The following RORA variants were observed in gnomAD, a reference collection of about 807,000 sequenced individuals.
RORA encodes nuclear receptor ROR-alpha.
A neutral mutation model predicts 69.5 loss-of-function variants in RORA; 7 were observed. That is an observed-to-expected ratio of 0.10 (90% CI 0.06 to 0.19). The LOEUF (loss-of-function observed/expected upper bound fraction) is 0.19. Among genes scored for constraint, RORA ranks in the 10% least tolerant of loss-of-function variants. The probability of loss-of-function intolerance (pLI) is 1.00; values close to 1 mark genes in which losing one functional copy is unlikely to be tolerated. For missense variants in RORA, 457 were observed against 663.0 expected (o/e 0.69, Z 3.41); for synonymous variants, 261 against 240.8 (o/e 1.08, Z -0.78).
chr15:61,048,136 C>T (rs976401097), intron 1 of RORA, among the ~76,000 whole-genome samples: 12 of 152,212 alleles, frequency 7.9e-5, no homozygotes, highest in African/African-American at 2.7e-4. Flanking sequence ...CACTATCCTT[C>T]ATACTTCTTC....
chr15:60,733,763 A>C (rs1233630128), intron 1 of RORA, among the ~76,000 whole-genome samples: 2 of 152,158 alleles, frequency 1.3e-5, no homozygotes, highest in East Asian at 3.9e-4. Flanking sequence ...GAGCAGAGAG[A>C]AAAGAGTTAT....
chr15:60,555,525 A>T (rs1327145878), intron 2 of RORA, among the ~76,000 whole-genome samples: 1 of 152,206 alleles, frequency 6.6e-6, no homozygotes, highest in Non-Finnish European at 1.5e-5. Context: ...ACCCTGTTTC[A>T]TAATTGCCAA....
intron 1 of RORA, among the ~76,000 whole-genome samples, chr15:61,193,436 A>C (rs2140917877): frequency 6.6e-6 from 1 of 152,274 alleles, no homozygotes; most frequent in South Asian, 2.1e-4. Flanking sequence ...AGAAAAAGTT[A>C]GACTTTTTCC....
intron 1 of RORA, among the ~76,000 whole-genome samples, chr15:60,855,951 A>G (rs2073375361): frequency 6.6e-6 from 1 of 152,224 alleles, no homozygotes; most frequent in African/African-American, 2.4e-5. Flanking sequence ...TTTATGCATT[A>G]AATTGAACTA....
chr15:60,922,029 T>C (rs1191163819), intron 1 of RORA, among the ~76,000 whole-genome samples: 3 of 152,226 alleles, frequency 2.0e-5, no homozygotes, highest in Admixed American at 6.5e-5. Context: ...TTTATCTGCA[T>C]CTGTCTCCCC....
At chr15:61,060,893 G>A (rs2078174462) in intron 1 of RORA, among the ~76,000 whole-genome samples, 2 of 152,168 alleles carry the variant, frequency 1.3e-5, no homozygotes, top group Admixed American at 6.5e-5. Context: ...TTACGAATTT[G>A]CACTGGGCCA....
At chr15:60,984,641 G>T (rs1007031374) in intron 1 of RORA, among the ~76,000 whole-genome samples, 1 of 152,078 alleles carries the variant, frequency 6.6e-6, no homozygotes, top group Non-Finnish European at 1.5e-5. Flanking sequence ...GAGCTGATTT[G>T]CAAGCTTGTT....
At chr15:60,932,170 T>A (rs772382733) in intron 1 of RORA, among the ~76,000 whole-genome samples, 3 of 152,238 alleles carry the variant, frequency 2.0e-5, no homozygotes, top group Non-Finnish European at 4.4e-5. Flanking sequence ...GTATTTGAAA[T>A]GTCCAAGATT....
intron 1 of RORA, among the ~76,000 whole-genome samples, chr15:61,074,110 T>C (rs1252510500): frequency 6.6e-6 from 1 of 152,172 alleles, no homozygotes; most frequent in East Asian, 1.9e-4. Flanking sequence ...CTTGCTATTA[T>C]CATGAAGAGC....
intron 1 of RORA, among the ~76,000 whole-genome samples, chr15:60,744,094 T>C (rs1384044193): frequency 2.0e-5 from 3 of 151,812 alleles, no homozygotes; most frequent in Admixed American, 2.0e-4. Context: ...CCTTTTTTTT[T>C]TTTTGAGAAG....
chr15:60,669,073 C>T (rs1365172698), intron 2 of RORA, among the ~76,000 whole-genome samples: 2 of 152,134 alleles, frequency 1.3e-5, no homozygotes, highest in Admixed American at 1.3e-4. Flanking sequence ...CAGAGGCTCC[C>T]AGGGTAGCAG....
intron 3 of RORA, among the ~76,000 whole-genome samples, chr15:60,523,583 C>A (rs1280680016): frequency 6.6e-6 from 1 of 152,176 alleles, no homozygotes; most frequent in Non-Finnish European, 1.5e-5. Flanking sequence ...ACCAGCTCTC[C>A]ATCACGTTGT....
At chr15:60,509,704 C>G (rs1347945161) in intron 5 of RORA, among the ~76,000 whole-genome samples, 4 of 151,544 alleles carry the variant, frequency 2.6e-5, no homozygotes, top group Non-Finnish European at 5.9e-5. Flanking sequence ...TTATTCATAT[C>G]TGAAAATTGT....
At chr15:60,869,601 T>C (rs1229552345) in intron 1 of RORA, among the ~76,000 whole-genome samples, 2 of 152,216 alleles carry the variant, frequency 1.3e-5, no homozygotes, top group African/African-American at 4.8e-5. Flanking sequence ...ATGTCCGGCA[T>C]GTGGCTGGTC....
chr15:60,517,701 C>T (rs1291449825), intron 3 of RORA, among the ~76,000 whole-genome samples: 1 of 152,156 alleles, frequency 6.6e-6, no homozygotes, highest in Admixed American at 6.5e-5. Flanking sequence ...TTTCTTGAGA[C>T]TCTCCCACCG....
chr15:60,730,752 C>A (rs976642012), intron 1 of RORA, among the ~76,000 whole-genome samples: 6 of 152,084 alleles, frequency 3.9e-5, no homozygotes, highest in Non-Finnish European at 5.9e-5. Flanking sequence ...TGGTTACTTT[C>A]TAACACTGTT....
chr15:60,647,760 G>A (rs940187706), intron 2 of RORA, among the ~76,000 whole-genome samples: 1 of 152,194 alleles, frequency 6.6e-6, no homozygotes, highest in African/African-American at 2.4e-5. Context: ...TTACTGTTGA[G>A]AGAAAAGTAC....
chr15:60,779,351 G>A (rs1301111772), intron 1 of RORA, among the ~76,000 whole-genome samples: 1 of 152,066 alleles, frequency 6.6e-6, no homozygotes, highest in Non-Finnish European at 1.5e-5. Flanking sequence ...ACAACCACAA[G>A]GAGTTCAGAT....
At chr15:60,748,563 G>T (rs1330853183) in intron 1 of RORA, among the ~76,000 whole-genome samples, 1 of 152,198 alleles carries the variant, frequency 6.6e-6, no homozygotes, top group Non-Finnish European at 1.5e-5. Flanking sequence ...CCTGAGCTGG[G>T]TTCTTAACTA....
Sources: allele counts gnomAD v4.1 joint callset (sites outside exome capture counted in the v4.1 genomes callset), GRCh38; gene constraint gnomAD v4.1.1; transcripts MANE v1.5; gene names NCBI Gene and HGNC (gene_info 2026-07-23, HGNC 2026-07-21).